The following MYO1E variants were observed in gnomAD, a reference collection of about 807,000 sequenced individuals.
The protein encoded by MYO1E is unconventional myosin-Ie.
A neutral mutation model predicts 151.1 loss-of-function variants in MYO1E; 68 were observed. The ratio of observed to expected loss-of-function variants is 0.45; its 90% confidence interval spans 0.37 to 0.55. The LOEUF (loss-of-function observed/expected upper bound fraction) is 0.55, where lower values mean the gene tolerates loss of function less well. Ranked by LOEUF, MYO1E falls within the 20% of genes least tolerant of loss-of-function variation. The probability of loss-of-function intolerance (pLI) is 0.00; values close to 1 mark genes in which losing one functional copy is unlikely to be tolerated. For synonymous variants in MYO1E, 601 were observed against 501.7 expected (o/e 1.20, Z -2.64); for missense variants, 1,363 against 1,389.3 (o/e 0.98, Z 0.30).
intron 18 of MYO1E, among the ~76,000 whole-genome samples, chr15:59,181,891 A>G (rs12916831): frequency 0.91 from 138,338 of 152,264 alleles, 62,918 homozygotes; most frequent in East Asian, 0.97. Context: ...GCAATTTTAT[A>G]AACAAAGCCT....
At chr15:59,359,259 A>AAT (rs531718373) in intron 1 of MYO1E, among the ~76,000 whole-genome samples, 93 of 139,420 alleles carry the variant, frequency 6.7e-4, no homozygotes, top group African/African-American at 2.3e-3. Flanking sequence ...GACCCTGTAA[A>AAT]ATATATATAT....
chr15:59,241,264 C>G lies in MYO1E; in HGVS notation c.333-4592G>C, dbSNP rs148356061. Among the ~76,000 whole-genome samples, 103 of 152,286 alleles carry G rather than the reference C, an allele frequency of 6.8e-4. 1 individual carries two copies. The highest frequency in any genetic ancestry group is 2.4e-3 in the African/African-American group (99 of 41,558). ...GGAGACAGTGGCTCACACCTGTAAT[C>G]TCAGCAATGTGGGAGGCCACGGGAG... is the stretch of plus-strand genomic sequence containing the variant. On this transcript the variant is annotated intron_variant, in intron 4 of 27. Coordinates refer to ENST00000288235, the MANE Select transcript of MYO1E (RefSeq NM_004998.4).
chr15:59,342,514 G>A (rs1238861630), intron 1 of MYO1E, among the ~76,000 whole-genome samples: 1 of 152,176 alleles, frequency 6.6e-6, no homozygotes, highest in African/African-American at 2.4e-5. Flanking sequence ...TTGATTTGGT[G>A]AAGTGTGTTG....
At chr15:59,207,603 CTT>C in intron 14 of MYO1E, 8 of 1,614,110 alleles carry the variant, frequency 5.0e-6, no homozygotes, top group Non-Finnish European at 6.8e-6. Context: ...GTTTTCGTTT[CTT>C]GATTGGACAA....
chr15:59,137,386 C>G lies in MYO1E; in HGVS notation c.3321G>C (p.Lys1107Asn). The change falls in exon 28 of 28, where the codon AAG becomes AAC. Residue 1107 changes from lysine (K) to asparagine (N), a missense_variant. Lys to Asn is a moderately conservative substitution (Grantham distance 94). Transcript: ENST00000288235. ...QGLFPNNYVT[K>N]I ...TGTCAGAGTCACGGGCACCTCAGAT[C>G]TTGGTCACATAGTTGTTGGGGAACA... 3 of 1,614,168 alleles carry G rather than the reference C, an allele frequency of 1.9e-6. No individual in the cohort carries two copies. The highest frequency in any genetic ancestry group is 2.5e-6 in the Non-Finnish European group (3 of 1,179,998).
intron 1 of MYO1E, among the ~76,000 whole-genome samples, chr15:59,345,461 C>T (rs759509621): frequency 2.0e-5 from 3 of 152,182 alleles, no homozygotes; most frequent in African/African-American, 4.8e-5. Flanking sequence ...ACATGTGCCA[C>T]CACACTCAGC....
chr15:59,208,710 C>T lies in MYO1E; in HGVS notation c.1501G>A (p.Gly501Ser). Residue 501 changes from glycine (G) to serine (S), a missense_variant, in exon 14 of 28, where the codon GGC becomes AGC. By Grantham distance (56) the Gly-to-Ser change is moderately conservative (BLOSUM62 0). Transcript: ENST00000288235. ...CCAGCATAATGATGAATGATGAAGCCTTGGTTCCAACTGTTGAAGTGCTCA... is the reference window on the plus strand; with the variant it reads ...CCAGCATAATGATGAATGATGAAGCTTTGGTTCCAACTGTTGAAGTGCTCA... ...SHEHFNSWNQGFIIHHYAGKV... is the reference protein window; with the variant it reads ...SHEHFNSWNQSFIIHHYAGKV... The T allele has an allele frequency of 6.2e-7, 1 of 1,614,162 alleles. No individual in the cohort carries two copies.
At chr15:59,353,390 A>T (rs1405878501) in intron 1 of MYO1E, among the ~76,000 whole-genome samples, 1 of 149,300 alleles carries the variant, frequency 6.7e-6, no homozygotes, top group Non-Finnish European at 1.5e-5. Context: ...AAAAGAAAAG[A>T]AAAGAAAAAA....
intron 14 of MYO1E, 50 bp from the exon 15 acceptor site, chr15:59,205,535 A>G (rs1467562791): frequency 6.9e-7 from 1 of 1,446,634 alleles, no homozygotes; most frequent in South Asian, 1.2e-5. Flanking sequence ...AATGTAATTA[A>G]TTGAACAAAA....
At chr15:59,288,684 A>T (rs1171449375) in intron 1 of MYO1E, among the ~76,000 whole-genome samples, 1 of 152,236 alleles carries the variant, frequency 6.6e-6, no homozygotes, top group East Asian at 1.9e-4. Context: ...ATAAGATAAT[A>T]GGAGGGACAG....
intron 4 of MYO1E, 110 bp from the exon 5 acceptor site, chr15:59,236,782 C>A (rs1344261383): frequency 4.6e-6 from 5 of 1,097,316 alleles, no homozygotes; most frequent in Non-Finnish European, 6.9e-6. Context: ...ACAAAAAAAA[C>A]AGGCAGAAAA....
At chr15:59,351,215 G>C (rs987368196) in intron 1 of MYO1E, among the ~76,000 whole-genome samples, 2 of 152,058 alleles carry the variant, frequency 1.3e-5, no homozygotes, top group African/African-American at 4.8e-5. Flanking sequence ...GGTTTTTTAA[G>C]GATTCAGATG....
At chr15:59,313,045 G>A (rs2080562617) in intron 1 of MYO1E, among the ~76,000 whole-genome samples, 2 of 152,186 alleles carry the variant, frequency 1.3e-5, no homozygotes, top group Admixed American at 1.3e-4. Context: ...TCTGGGCATG[G>A]GGGTGGGGCC....
chr15:59,364,952 G>A (rs368039166), intron 1 of MYO1E, among the ~76,000 whole-genome samples: 4 of 151,924 alleles, frequency 2.6e-5, no homozygotes, highest in East Asian at 3.9e-4. Context: ...TGAACAGACT[G>A]AAAGGAAACC....
intron 1 of MYO1E, among the ~76,000 whole-genome samples, chr15:59,324,911 T>G (rs1269440138): frequency 2.7e-5 from 4 of 148,152 alleles, no homozygotes; most frequent in African/African-American, 7.6e-5. Context: ...AAGTAATAGC[T>G]GGATTTGTTT....
chr15:59,251,451 T>C (rs2080164569), intron 4 of MYO1E, among the ~76,000 whole-genome samples: 1 of 152,222 alleles, frequency 6.6e-6, no homozygotes, highest in Non-Finnish European at 1.5e-5. Flanking sequence ...CATAACCAAA[T>C]GCAGTCAGCG....
chr15:59,178,507 A>C lies in MYO1E; in HGVS notation c.1935T>G (p.Pro645=), dbSNP rs2079639214. 1.9e-6 allele frequency: 3 copies of C among 1,614,076 alleles called. No homozygotes were observed. Among genetic ancestry groups the C allele is most frequent in the East Asian group, 2.2e-5 (1 of 44,904 alleles). The part of the protein sequence containing the change: ...RYAILTKATW[P]SWQGEEKQGV... Reference sequence around the variant, plus strand: ...CTTGCTTCTCCTCTCCCTGCCAAGAAGGCCAGGTGGCTTTGGTCAGAATGG... The same window carrying C: ...CTTGCTTCTCCTCTCCCTGCCAAGACGGCCAGGTGGCTTTGGTCAGAATGG... The change falls in exon 19 of 28, where the codon CCT becomes CCG. Residue 645 remains proline, a synonymous_variant. Coordinates refer to ENST00000288235, the MANE Select transcript of MYO1E (RefSeq NM_004998.4).
At chr15:59,217,426 G>T (rs1428117225) in intron 10 of MYO1E, among the ~76,000 whole-genome samples, 1 of 149,396 alleles carries the variant, frequency 6.7e-6, no homozygotes, top group African/African-American at 2.5e-5. Context: ...GGAAAAGCAG[G>T]ATTCAGTAAT....
chr15:59,153,337 G>A (rs1412199613), intron 26 of MYO1E, among the ~76,000 whole-genome samples: 1 of 152,188 alleles, frequency 6.6e-6, no homozygotes, highest in African/African-American at 2.4e-5. Context: ...GGGCCAAGGG[G>A]AACCCGTCTT....
Sources: allele counts gnomAD v4.1 joint callset (sites outside exome capture counted in the v4.1 genomes callset), GRCh38; gene constraint gnomAD v4.1.1; transcripts MANE v1.5; gene names NCBI Gene and HGNC (gene_info 2026-07-23, HGNC 2026-07-21).